Variants in RBFOX1 observed in about 807,000 individuals in gnomAD.
RBFOX1 encodes the protein RNA binding fox-1 homolog 1.
A neutral mutation model predicts 57.7 loss-of-function variants in RBFOX1; 8 were observed. The observed-to-expected ratio is 0.14, with a 90% confidence interval of 0.08 to 0.25. RBFOX1 has a LOEUF of 0.25. Among genes scored for constraint, RBFOX1 ranks in the 10% least tolerant of loss-of-function variants. The probability of loss-of-function intolerance (pLI) is 1.00; values close to 1 mark genes in which losing one functional copy is unlikely to be tolerated. For synonymous variants in RBFOX1, 326 were observed against 222.4 expected (o/e 1.47, Z -4.15); for missense variants, 611 against 548.5 (o/e 1.11, Z -1.14).
At chr16:5,331,674 C>T (rs147002304) in intron 1 of RBFOX1, among the ~76,000 whole-genome samples, 51 of 152,378 alleles carry the variant, frequency 3.3e-4, no homozygotes, top group Middle Eastern at 3.4e-3. Flanking sequence ...CTGAAGGAAA[C>T]TACAAAGTCA....
chr16:5,455,132 A>C (rs774125567), intron 1 of RBFOX1, among the ~76,000 whole-genome samples: 48 of 151,030 alleles, frequency 3.2e-4, no homozygotes, highest in Non-Finnish European at 6.2e-4. Flanking sequence ...GACTGATATA[A>C]CAGGCCACAA....
intron 3 of RBFOX1, among the ~76,000 whole-genome samples, chr16:6,976,968 C>T (rs1362732525): frequency 1.4e-5 from 2 of 140,030 alleles, no homozygotes; most frequent in East Asian, 2.1e-4. Context: ...ATTAAATATC[C>T]TATATCACAT....
At chr16:6,719,656 T>C (rs578141194) in intron 3 of RBFOX1, among the ~76,000 whole-genome samples, 28 of 151,798 alleles carry the variant, frequency 1.8e-4, no homozygotes, top group South Asian at 4.2e-4. Context: ...CCATGTTAGC[T>C]AGGATGGTCT....
intron 3 of RBFOX1, among the ~76,000 whole-genome samples, chr16:6,937,276 C>T (rs111422657): frequency 0.022 from 3,311 of 152,228 alleles, 127 homozygotes; most frequent in African/African-American, 0.075. Flanking sequence ...CAACTCACGA[C>T]CAACACTGTT....
At chr16:5,825,431 A>G (rs1051119665) in intron 3 of RBFOX1, among the ~76,000 whole-genome samples, 4 of 152,204 alleles carry the variant, frequency 2.6e-5, no homozygotes, top group Non-Finnish European at 5.9e-5. Flanking sequence ...GTCACCTACT[A>G]TAAGGTTCGA....
intron 4 of RBFOX1, among the ~76,000 whole-genome samples, chr16:7,158,134 G>A (rs535197390): frequency 1.3e-5 from 2 of 152,232 alleles, no homozygotes; most frequent in South Asian, 2.1e-4. Context: ...GGATCACAAG[G>A]TCAGGAGTTC....
intron 3 of RBFOX1, among the ~76,000 whole-genome samples, chr16:6,708,711 G>C (rs998359324): frequency 4.6e-5 from 7 of 152,270 alleles, no homozygotes; most frequent in Admixed American, 3.3e-4. Context: ...AATTACACCT[G>C]TTCCCTTCTT....
chr16:5,267,736 C>T (rs532524012), intron 1 of RBFOX1, among the ~76,000 whole-genome samples: 5 of 152,168 alleles, frequency 3.3e-5, no homozygotes, highest in African/African-American at 1.2e-4. Context: ...GTTTATTCAA[C>T]AAACTTGTGT....
intron 3 of RBFOX1, among the ~76,000 whole-genome samples, chr16:6,922,445 T>G (rs1056634154): frequency 6.6e-6 from 1 of 152,202 alleles, no homozygotes; most frequent in Non-Finnish European, 1.5e-5. Context: ...CCAGGCTGTC[T>G]TGCCTCTTCC....
At chr16:6,104,754 G>T (rs963438755) in intron 1 of RBFOX1, among the ~76,000 whole-genome samples, 2 of 152,114 alleles carry the variant, frequency 1.3e-5, no homozygotes, top group Non-Finnish European at 2.9e-5. Flanking sequence ...CAAAAAAACA[G>T]AATACAAATA....
intron 4 of RBFOX1, among the ~76,000 whole-genome samples, chr16:5,992,374 A>G (rs973593432): frequency 3.3e-5 from 5 of 152,220 alleles, no homozygotes; most frequent in African/African-American, 4.8e-5. Flanking sequence ...AATTTTATCT[A>G]TTCATTAAAG....
rs144314209 is a variant in RBFOX1, at chr16:6,088,530, C to CTCCTTCCTTCCT, written c.-127+68545_-127+68556dup. ...CTTCCTCCCCCTTCCCTTTCCTTTT[C>CTCCTTCCTTCCT]TCCTTCCTTCCTTCCTTCTGCATTT... On this transcript the variant is annotated intron_variant, in intron 1 of 15. Coordinates refer to ENST00000550418, the MANE Select transcript of RBFOX1 (RefSeq NM_018723.4). 3.3e-4 allele frequency among the ~76,000 whole-genome samples: 50 copies of CTCCTTCCTTCCT among 149,988 alleles called. 1 individual carries two copies. The highest frequency in any genetic ancestry group is 6.8e-3 in the Middle Eastern group (2 of 292).
chr16:7,520,784 A>G (rs1415891176), intron 5 of RBFOX1, among the ~76,000 whole-genome samples: 2 of 152,342 alleles, frequency 1.3e-5, no homozygotes, highest in East Asian at 3.9e-4. Flanking sequence ...TGTGACAATT[A>G]ATAGTAGTAA....
intron 4 of RBFOX1, among the ~76,000 whole-genome samples, chr16:7,346,956 A>T (rs73563897): frequency 0.032 from 4,947 of 152,296 alleles, 177 homozygotes; most frequent in African/African-American, 0.087. Flanking sequence ...GGTGTAGTGC[A>T]TGAACAATTG....
chr16:6,113,734 T>C (rs1223895278), intron 1 of RBFOX1, among the ~76,000 whole-genome samples: 4 of 152,144 alleles, frequency 2.6e-5, no homozygotes, highest in Non-Finnish European at 5.9e-5. Context: ...GTTATGGGAG[T>C]GGCAGAATGC....
intron 4 of RBFOX1, among the ~76,000 whole-genome samples, chr16:7,333,350 G>A (rs776864864): frequency 7.2e-5 from 11 of 152,172 alleles, no homozygotes; most frequent in Non-Finnish European, 1.3e-4. Flanking sequence ...TTAGCTTCAG[G>A]AGGTTGACCA....
chr16:7,701,483 C>G (rs150117691), intron 14 of RBFOX1, among the ~76,000 whole-genome samples: 1 of 152,280 alleles, frequency 6.6e-6, no homozygotes, highest in Non-Finnish European at 1.5e-5. Context: ...GAATCTAATG[C>G]CTGATGATCT....
At chr16:7,424,103 A>G (rs903542488) in intron 4 of RBFOX1, among the ~76,000 whole-genome samples, 2 of 152,302 alleles carry the variant, frequency 1.3e-5, no homozygotes, top group South Asian at 2.1e-4. Flanking sequence ...TTTTTTAAGC[A>G]TTCAGAGCTT....
At chr16:7,087,977 A>G (rs1599120432) in intron 4 of RBFOX1, among the ~76,000 whole-genome samples, 1 of 152,098 alleles carries the variant, frequency 6.6e-6, no homozygotes, top group East Asian at 1.9e-4. Context: ...GAGTAATCGC[A>G]TTTTGTGTAA....
Sources: allele counts gnomAD v4.1 joint callset (sites outside exome capture counted in the v4.1 genomes callset), GRCh38; gene constraint gnomAD v4.1.1; transcripts MANE v1.5; gene names NCBI Gene and HGNC (gene_info 2026-07-23, HGNC 2026-07-21).